Variants in LIN7A observed in about 807,000 individuals in gnomAD.
LIN7A encodes the protein protein lin-7 homolog A.
A neutral mutation model predicts 29.8 loss-of-function variants in LIN7A; 25 were observed. The observed-to-expected ratio is 0.84, with a 90% CI of 0.61 to 1.17. The LOEUF (loss-of-function observed/expected upper bound fraction) is 1.17. Ranked by LOEUF, LIN7A falls within the 50% of genes most tolerant of loss-of-function variation. The pLI, the probability that LIN7A is intolerant of heterozygous loss-of-function variation, is 0.00. For synonymous variants in LIN7A, 118 were observed against 107.5 expected, an observed-to-expected ratio of 1.10 and a Z score of -0.60; for missense variants, 239 against 287.0, an observed-to-expected ratio of 0.83 and a Z score of 1.21.
chr12:80,906,029 G>A (rs1050575356), intron 1 of LIN7A, among the ~76,000 whole-genome samples: 8 of 151,714 alleles, frequency 5.3e-5, no homozygotes, highest in Non-Finnish European at 1.2e-4. Flanking sequence ...GTATTTTTTT[G>A]TTTTTATTTA....
intron 1 of LIN7A, among the ~76,000 whole-genome samples, chr12:80,896,505 A>C (rs1288980363): frequency 6.6e-6 from 1 of 152,242 alleles, no homozygotes; most frequent in Non-Finnish European, 1.5e-5. Flanking sequence ...GGAAACTGTC[A>C]ATTTAGAAGT....
Position 80,797,098 on chromosome 12 carries a change from T to C in LIN7A, c.*629A>G, listed in dbSNP as rs1870484126. On this transcript the variant is annotated 3_prime_UTR_variant, in exon 6 of 6. Coordinates refer to ENST00000552864, the MANE Select transcript of LIN7A (RefSeq NM_004664.4). ...AAACTAAAAGTTGAGCTAAAATTGG[T>C]CCATTCTATTAATGCATAATAAAAT... is the stretch of plus-strand genomic sequence containing the variant. The C allele has an allele frequency of 6.6e-6, 1 of 152,138 alleles. No individual in the cohort carries two copies. Among genetic ancestry groups the C allele is most frequent in the Admixed American group, 6.5e-5 (1 of 15,274 alleles). 9.4% of individuals were successfully genotyped at this position (152,138 alleles called of 1,614,324 possible).
intron 1 of LIN7A, among the ~76,000 whole-genome samples, chr12:80,923,123 G>A (rs1206704738): frequency 6.6e-6 from 1 of 152,130 alleles, no homozygotes; most frequent in East Asian, 1.9e-4. Flanking sequence ...AAAACAAAAA[G>A]GCAGAAGAAA....
chr12:80,843,975 A>G (rs1165360795), intron 4 of LIN7A, among the ~76,000 whole-genome samples: 1 of 151,320 alleles, frequency 6.6e-6, no homozygotes, highest in Non-Finnish European at 1.5e-5. Context: ...TATTAAATTT[A>G]TTATATATAT....
At chr12:80,891,222 CT>C (rs1186969634) in intron 1 of LIN7A, among the ~76,000 whole-genome samples, 2 of 152,126 alleles carry the variant, frequency 1.3e-5, no homozygotes, top group Non-Finnish European at 2.9e-5. Flanking sequence ...AATTAGTCTT[CT>C]TTTTTCAGTC....
intron 1 of LIN7A, among the ~76,000 whole-genome samples, chr12:80,909,713 TG>T (rs1472984879): frequency 7.2e-5 from 11 of 152,128 alleles, no homozygotes; most frequent in Non-Finnish European, 1.5e-4. Context: ...AGTACGGCCT[TG>T]GAAGTTATTA....
chr12:80,859,638 A>C (rs1873767101), intron 2 of LIN7A, among the ~76,000 whole-genome samples: 1 of 152,174 alleles, frequency 6.6e-6, no homozygotes, highest in African/African-American at 2.4e-5. Flanking sequence ...TTTTAAAAAA[A>C]TTAAATAACT....
chr12:80,901,336 C>T (rs769392630), intron 1 of LIN7A, among the ~76,000 whole-genome samples: 1 of 152,080 alleles, frequency 6.6e-6, no homozygotes, highest in African/African-American at 2.4e-5. Context: ...TAATTTAATT[C>T]GAAGTCTATG....
intron 2 of LIN7A, 73 bp downstream of exon 2, chr12:80,889,178 T>C (rs1875492406): frequency 1.2e-6 from 1 of 823,458 alleles, no homozygotes; most frequent in Non-Finnish European, 2.1e-6. Flanking sequence ...TTCAACTGTT[T>C]GTGTAGAGAA....
chr12:80,808,841 T>C (rs1288952750), intron 5 of LIN7A, among the ~76,000 whole-genome samples: 2 of 152,028 alleles, frequency 1.3e-5, no homozygotes, highest in Non-Finnish European at 2.9e-5. Flanking sequence ...AATGCAATTT[T>C]AGATAAAGAT....
chr12:80,813,368 A>G (rs1361132196), intron 4 of LIN7A, among the ~76,000 whole-genome samples: 1 of 152,206 alleles, frequency 6.6e-6, no homozygotes, highest in Non-Finnish European at 1.5e-5. Flanking sequence ...TGGTGTACAG[A>G]CAAGGATGTA....
intron 2 of LIN7A, among the ~76,000 whole-genome samples, chr12:80,854,784 A>G (rs1338723890): frequency 6.6e-6 from 1 of 152,164 alleles, no homozygotes; most frequent in Admixed American, 6.5e-5. Context: ...TTTAAAAAGC[A>G]AAAAATATTT....
intron 1 of LIN7A, among the ~76,000 whole-genome samples, chr12:80,897,889 A>G (rs1370005463): frequency 6.6e-6 from 1 of 152,182 alleles, no homozygotes; most frequent in African/African-American, 2.4e-5. Flanking sequence ...GCAAAATCAA[A>G]ATATTGCCAA....
chr12:80,907,053 C>CTGTGTG (rs1491359652), intron 1 of LIN7A, among the ~76,000 whole-genome samples: 23,739 of 132,582 alleles, frequency 0.18, 2,663 homozygotes, highest in Non-Finnish European at 0.23. Context: ...AGAGTGCGTG[C>CTGTGTG]TCTGTGTGTG....
At chr12:80,824,522 G>A (rs1277491162) in intron 4 of LIN7A, among the ~76,000 whole-genome samples, 2 of 152,146 alleles carry the variant, frequency 1.3e-5, no homozygotes, top group South Asian at 2.1e-4. Flanking sequence ...TATGAAGCCA[G>A]TATCACCTTA....
In LIN7A at chr12:80,803,436, T is replaced by C. The variant is rs115616734; in HGVS notation, c.*1-5710A>G. ...ACCTTTGTCAAAAATCAATTAACTGTAAATATGTGGATTTATTTCTGGGTT... is the reference window on the plus strand; with the variant it reads ...ACCTTTGTCAAAAATCAATTAACTGCAAATATGTGGATTTATTTCTGGGTT... On this transcript the variant is annotated intron_variant, in intron 5 of 5. Transcript: ENST00000552864. Among the ~76,000 whole-genome samples, 267 of 152,362 alleles carry C rather than the reference T, an allele frequency of 1.8e-3. 1 individual carries two copies. Among genetic ancestry groups the C allele is most frequent in the African/African-American group, 5.4e-3 (226 of 41,592 alleles).
At chr12:80,931,207 A>G (rs1877882808) in intron 1 of LIN7A, among the ~76,000 whole-genome samples, 1 of 152,310 alleles carries the variant, frequency 6.6e-6, no homozygotes, top group Middle Eastern at 3.4e-3. Flanking sequence ...TTAATTTCAT[A>G]ACTGACAGGA....
At chr12:80,856,229 T>C (rs1873591105) in intron 2 of LIN7A, among the ~76,000 whole-genome samples, 4 of 152,194 alleles carry the variant, frequency 2.6e-5, no homozygotes, top group African/African-American at 9.6e-5. Flanking sequence ...CAGAGTACTA[T>C]CTTTCTACAT....
intron 2 of LIN7A, among the ~76,000 whole-genome samples, chr12:80,880,758 C>CAG (rs1874981786): frequency 7.3e-6 from 1 of 137,678 alleles, no homozygotes; most frequent in African/African-American, 2.6e-5. Context: ...AACGCACACA[C>CAG]ACACACACAC....
Sources: gnomAD v4.1 joint callset for allele counts (sites outside exome capture counted in the v4.1 genomes callset) on GRCh38, gnomAD v4.1.1 for gene constraint, MANE v1.5 for transcripts, NCBI Gene and HGNC (gene_info 2026-07-23, HGNC 2026-07-21) for gene names.